COLEC10: variants seen among roughly 807,000 people sequenced by gnomAD.
COLEC10 encodes the protein collectin-10.
A neutral mutation model predicts 28.4 loss-of-function variants in COLEC10; 22 were observed. The ratio of observed to expected loss-of-function variants is 0.78; its 90% CI spans 0.55 to 1.11. The LOEUF is 1.11. Ranked by LOEUF, COLEC10 falls within the 50% of genes least tolerant of loss-of-function variation. The pLI, the probability that COLEC10 is intolerant of heterozygous loss-of-function variation, is 0.00. For missense variants in COLEC10, 361 were observed against 344.1 expected, an observed-to-expected ratio of 1.05 and a Z score of -0.39; for synonymous variants, 125 against 116.1, an observed-to-expected ratio of 1.08 and a Z score of -0.49.
At chr8:118,955,848 A>T in the COLEC10 span, among the ~76,000 whole-genome samples, 11 of 152,354 alleles carry the variant, frequency 7.2e-5, no homozygotes, top group African/African-American at 2.6e-4. Flanking sequence ...AGGTGAGTAG[A>T]CAGTGGCTAG....
At chr8:119,067,512 ACTTT>A (rs1313138548) in intron 1 of COLEC10, 83 bp downstream of exon 1, 2 of 1,286,928 alleles carry the variant, frequency 1.6e-6, no homozygotes, top group Non-Finnish European at 2.2e-6. Context: ...GATTTCAATG[ACTTT>A]CTCTTCTCTC....
In COLEC10 at chr8:119,054,042, G is replaced by T. The variant is rs150997826; in HGVS notation, n.236-35638G>T. Among the ~76,000 whole-genome samples the T allele has an allele frequency of 2.0e-5, 3 of 152,154 alleles. No homozygotes were observed. The East Asian group carries it at 5.8e-4, about 29-fold the overall frequency. On this transcript the variant is annotated intron_variant and non_coding_transcript_variant, in intron 2 of 6. Coordinates refer to the COLEC10 transcript ENST00000521788. ...TTGGAGCCATGATTTAGTACAATAA[G>T]CGTTACTTGGACACAAGCTCTGCAA...
chr8:119,076,219 A>G (rs952099941), intron 1 of COLEC10, among the ~76,000 whole-genome samples: 1 of 150,024 alleles, frequency 6.7e-6, no homozygotes, highest in Non-Finnish European at 1.5e-5. Flanking sequence ...CCAATCAGCC[A>G]TATCTTAATA....
rs986751610 is a variant in COLEC10, at chr8:119,011,982, C to T, written n.235+2429C>T. ...TCTTGTCTTGTTGCATTATCTAGGA[C>T]TTCTTTTCAGTATGATATTGAAAAG... is the stretch of plus-strand genomic sequence containing the variant. On this transcript the variant is annotated intron_variant and non_coding_transcript_variant, in intron 2 of 6. Transcript: ENST00000521788. Among the ~76,000 whole-genome samples, 83 of 150,646 alleles carry T rather than the reference C, an allele frequency of 5.5e-4. 8 individuals are homozygous for T. The highest frequency in any genetic ancestry group is 2.0e-3 in the African/African-American group (82 of 40,298).
chr8:119,062,383 G>T (rs76298372), upstream of COLEC10, among the ~76,000 whole-genome samples: 7,191 of 152,136 alleles, frequency 0.047, 263 homozygotes, highest in East Asian at 0.18. Flanking sequence ...CAAGAGTGGA[G>T]AACAAACAGT....
intron 2 of COLEC10, among the ~76,000 whole-genome samples, chr8:119,057,747 C>A (rs1360718793): frequency 6.6e-6 from 1 of 152,004 alleles, no homozygotes; most frequent in Non-Finnish European, 1.5e-5. Context: ...TCATTATATG[C>A]CTATACAATT....
At chr8:118,960,785 G>GGAAAAAAA in the COLEC10 span, among the ~76,000 whole-genome samples, 670 of 72,554 alleles carry the variant, frequency 9.2e-3, 32 homozygotes, top group African/African-American at 0.032. Context: ...GAGACTCTGT[G>GGAAAAAAA]AAAAAAAAAA....
intron 3 of COLEC10, among the ~76,000 whole-genome samples, chr8:119,094,379 T>A (rs1032203349): frequency 6.6e-6 from 1 of 152,100 alleles, no homozygotes; most frequent in Non-Finnish European, 1.5e-5. Flanking sequence ...GAAAGAAAAA[T>A]CTGACACTAC....
intron 2 of COLEC10, among the ~76,000 whole-genome samples, chr8:119,047,597 ATAG>A (rs2130168655): frequency 6.6e-6 from 1 of 152,352 alleles, no homozygotes; most frequent in South Asian, 2.1e-4. Flanking sequence ...CAGGCTCATA[ATAG>A]TAATCTATTC....
intron 2 of COLEC10, among the ~76,000 whole-genome samples, chr8:119,054,566 C>T (rs377478508): frequency 3.3e-5 from 5 of 152,090 alleles, no homozygotes; most frequent in Admixed American, 6.6e-5. Context: ...TTGAGCTCGG[C>T]GGTACAATAC....
intron 3 of COLEC10, among the ~76,000 whole-genome samples, chr8:119,092,319 G>A (rs1395925501): frequency 6.6e-6 from 1 of 151,934 alleles, no homozygotes; most frequent in Non-Finnish European, 1.5e-5. Context: ...TGATCTGCCC[G>A]CCTTGGCCTC....
chr8:119,055,647 T>C (rs1814746998), intron 2 of COLEC10, among the ~76,000 whole-genome samples: 1 of 152,058 alleles, frequency 6.6e-6, no homozygotes, highest in African/African-American at 2.4e-5. Flanking sequence ...CATAAAGCAA[T>C]TTAAAATTGA....
At chr8:119,041,104 C>A (rs10955924) in intron 2 of COLEC10, among the ~76,000 whole-genome samples, 88,689 of 151,984 alleles carry the variant, frequency 0.58, 26,548 homozygotes, top group African/African-American at 0.72. Context: ...CAAAGGAGCA[C>A]ACAAATCCTT....
chr8:119,053,805 C>T (rs536482323), intron 2 of COLEC10, among the ~76,000 whole-genome samples: 2 of 152,152 alleles, frequency 1.3e-5, no homozygotes, highest in South Asian at 4.2e-4. Flanking sequence ...AAATAATTTA[C>T]AGTATTCCCT....
chr8:119,043,440 CAT>C (rs1340702883), intron 2 of COLEC10, among the ~76,000 whole-genome samples: 1 of 152,196 alleles, frequency 6.6e-6, no homozygotes, highest in Non-Finnish European at 1.5e-5. Flanking sequence ...GACTTTGCCA[CAT>C]GAGAGACCCT....
chr8:119,052,410 A>G (rs1334845136), intron 2 of COLEC10, among the ~76,000 whole-genome samples: 1 of 152,074 alleles, frequency 6.6e-6, no homozygotes, highest in Non-Finnish European at 1.5e-5. Context: ...CCAGTTAAGT[A>G]TTTTAGGACT....
chr8:119,076,268 T>A (rs1389715922), intron 1 of COLEC10, among the ~76,000 whole-genome samples: 1 of 150,364 alleles, frequency 6.7e-6, no homozygotes, highest in Non-Finnish European at 1.5e-5. Context: ...AATTCTTTTT[T>A]TTTTTTTTTT....
At chr8:119,079,934 T>C (rs1383365883) in intron 1 of COLEC10, among the ~76,000 whole-genome samples, 1 of 152,160 alleles carries the variant, frequency 6.6e-6, no homozygotes, top group African/African-American at 2.4e-5. Flanking sequence ...ATTATCCATA[T>C]TGACATTGAT....
the COLEC10 span, among the ~76,000 whole-genome samples, chr8:118,988,996 T>C: frequency 3.9e-5 from 6 of 152,154 alleles, no homozygotes; most frequent in Non-Finnish European, 8.8e-5. Context: ...AACAAAAACA[T>C]TCTGAAGGGA....
Sources: allele counts gnomAD v4.1 joint callset (sites outside exome capture counted in the v4.1 genomes callset), GRCh38; gene constraint gnomAD v4.1.1; transcripts MANE v1.5; gene names NCBI Gene and HGNC (gene_info 2026-07-23, HGNC 2026-07-21).